The following USP53 variants were observed in gnomAD, a reference collection of about 807,000 sequenced individuals.
The protein encoded by USP53 is ubiquitin specific peptidase 53.
A neutral mutation model predicts 94.9 loss-of-function variants in USP53; 71 were observed. The observed-to-expected ratio is 0.75, with a 90% CI of 0.62 to 0.91. The LOEUF is 0.91. Ranked by LOEUF, USP53 falls within the 40% of genes least tolerant of loss-of-function variation. USP53 has a pLI of 0.00. For missense variants in USP53, 1,173 were observed against 1,281.0 expected (o/e 0.92, Z 1.29); for synonymous variants, 375 against 422.7 (o/e 0.89, Z 1.39).
chr4:119,254,054 C>A (rs2149365970), intron 7 of USP53, among the ~76,000 whole-genome samples: 1 of 152,336 alleles, frequency 6.6e-6, no homozygotes, highest in South Asian at 2.1e-4. Flanking sequence ...CCCCCACTCT[C>A]TTCTGGCTTG....
intron 4 of USP53, among the ~76,000 whole-genome samples, 179 bp from the exon 5 acceptor site, chr4:119,239,039 T>C (rs1323411193): frequency 3.3e-5 from 5 of 152,164 alleles, no homozygotes; most frequent in East Asian, 3.8e-4. Flanking sequence ...TGATGTCACA[T>C]TGATATTTTA....
chr4:119,262,587 G>A (rs1234898981), intron 12 of USP53, among the ~76,000 whole-genome samples: 1 of 152,164 alleles, frequency 6.6e-6, no homozygotes, highest in Non-Finnish European at 1.5e-5. Context: ...TCACTAAGTG[G>A]AAATGGATCA....
At chr4:119,270,714 G>A (rs1432029739) in intron 15 of USP53, among the ~76,000 whole-genome samples, 2 of 152,166 alleles carry the variant, frequency 1.3e-5, no homozygotes, top group Non-Finnish European at 2.9e-5. Context: ...TTAACTGATA[G>A]TGATAGACTT....
At position 119,255,706 on chromosome 4, in the gene USP53, GGGTGA is replaced by G. The variant is rs149467302; in HGVS notation, c.373-534_373-530del. 7.1e-3 allele frequency among the ~76,000 whole-genome samples: 1,076 copies of G among 152,264 alleles called. 9 individuals are homozygous for G. Among genetic ancestry groups the G allele is most frequent in the African/African-American group, 0.024 (1,017 of 41,540 alleles). ...AATCCCCTGACCCCTTGTGCTTCCT[GGGTGA>G]GGTGATGTCCTGCCCTGCTTTGGCT... On this transcript the variant is annotated intron_variant, in intron 7 of 18. Transcript: ENST00000692078.
At chr4:119,220,387 T>C (rs2149263942) in intron 3 of USP53, 1 of 152,352 alleles carries the variant, frequency 6.6e-6, no homozygotes, top group Admixed American at 6.5e-5. Flanking sequence ...TCAGTAGATC[T>C]GCTACTGAAG....
chr4:119,250,345 T>C (rs1748806085), intron 7 of USP53, among the ~76,000 whole-genome samples: 1 of 152,208 alleles, frequency 6.6e-6, no homozygotes, highest in Non-Finnish European at 1.5e-5. Context: ...TAGAATTTAC[T>C]CTGTAGAATT....
intron 16 of USP53, chr4:119,273,402 A>G (rs1456953157): frequency 5.3e-6 from 2 of 375,000 alleles, no homozygotes; most frequent in Non-Finnish European, 9.9e-6. Flanking sequence ...TCAGGACTTT[A>G]TAACCAGATA....
intron 3 of USP53, among the ~76,000 whole-genome samples, chr4:119,233,926 C>T (rs751596673): frequency 6.6e-6 from 1 of 151,978 alleles, no homozygotes; most frequent in Non-Finnish European, 1.5e-5. Context: ...TGGGCTGATT[C>T]GGGGTGATGC....
At chr4:119,219,560 A>C (rs1483202766) in intron 3 of USP53, 1 of 152,266 alleles carries the variant, frequency 6.6e-6, no homozygotes, top group Non-Finnish European at 1.5e-5. Flanking sequence ...TTTGGGAGAC[A>C]CAATTCAACC....
intron 3 of USP53, among the ~76,000 whole-genome samples, chr4:119,228,473 A>G (rs558861524): frequency 4.6e-5 from 7 of 152,176 alleles, no homozygotes; most frequent in African/African-American, 1.2e-4. Context: ...TTTTAGGTCA[A>G]CTGCGCCATA....
intron 7 of USP53, among the ~76,000 whole-genome samples, chr4:119,254,410 C>T (rs1294225929): frequency 1.9e-4 from 29 of 152,092 alleles, no homozygotes; most frequent in African/African-American, 7.2e-5. Context: ...TTGGAGGCTT[C>T]GTTAGTTTCT....
In USP53 at chr4:119,216,312, C is replaced by T. The variant is rs9991629; in HGVS notation, c.-788-1238C>T. Reference sequence around the variant, plus strand: ...AGGAGAATCACTTGAACCCAAGAGGCGGAGGTTGCAGTTAGCTGAGATTGT... The same window carrying T: ...AGGAGAATCACTTGAACCCAAGAGGTGGAGGTTGCAGTTAGCTGAGATTGT... On this transcript the variant is annotated intron_variant, in intron 2 of 18. Coordinates refer to ENST00000692078, the MANE Select transcript of USP53 (RefSeq NM_001371395.1). Among the ~76,000 whole-genome samples, 431 of 151,506 alleles carry T rather than the reference C, an allele frequency of 2.8e-3. 2 individuals are homozygous for T. The highest frequency in any genetic ancestry group is 9.7e-3 in the African/African-American group (401 of 41,248).
intron 4 of USP53, among the ~76,000 whole-genome samples, chr4:119,237,902 GC>G (rs890644102): frequency 7.2e-5 from 11 of 152,184 alleles, no homozygotes; most frequent in African/African-American, 2.4e-4. Flanking sequence ...ACCTCTGCTA[GC>G]TTCCTACTTT....
chr4:119,246,248 G>A (rs775536515), intron 6 of USP53, among the ~76,000 whole-genome samples: 1 of 152,206 alleles, frequency 6.6e-6, no homozygotes, highest in Non-Finnish European at 1.5e-5. Flanking sequence ...TGGCAGAACT[G>A]AGGCTGCAAG....
At chr4:119,223,765 C>T (rs919451408) in intron 3 of USP53, among the ~76,000 whole-genome samples, 1 of 152,024 alleles carries the variant, frequency 6.6e-6, no homozygotes, top group Non-Finnish European at 1.5e-5. Flanking sequence ...TATATAATTC[C>T]TAATTTTAGC....
chr4:119,231,922 T>G (rs1362810035), intron 3 of USP53, among the ~76,000 whole-genome samples: 1 of 152,078 alleles, frequency 6.6e-6, no homozygotes, highest in Non-Finnish European at 1.5e-5. Flanking sequence ...AAATTCCAGA[T>G]TTCCAGAAGG....
chr4:119,285,246 T>C (rs1256044601), intron 17 of USP53, among the ~76,000 whole-genome samples: 1 of 151,880 alleles, frequency 6.6e-6, no homozygotes, highest in African/African-American at 2.4e-5. Context: ...TAGTGTGTAT[T>C]TGTGTTAGGT....
At chr4:119,224,442 T>A (rs1744979973) in intron 3 of USP53, among the ~76,000 whole-genome samples, 1 of 152,242 alleles carries the variant, frequency 6.6e-6, no homozygotes, top group Non-Finnish European at 1.5e-5. Context: ...ACTATCACAT[T>A]TTAAACTTGT....
intron 6 of USP53, among the ~76,000 whole-genome samples, chr4:119,246,095 G>A (rs777919050): frequency 1.3e-5 from 2 of 152,192 alleles, no homozygotes; most frequent in Non-Finnish European, 2.9e-5. Flanking sequence ...AAGGAAGAGA[G>A]TGGTAGAAGG....
Sources: allele counts gnomAD v4.1 joint callset (sites outside exome capture counted in the v4.1 genomes callset), GRCh38; gene constraint gnomAD v4.1.1; transcripts MANE v1.5; gene names NCBI Gene and HGNC (gene_info 2026-07-23, HGNC 2026-07-21).